Variants in DHRS9 observed in about 807,000 individuals in gnomAD.
DHRS9 encodes the protein dehydrogenase/reductase SDR family member 9.
In DHRS9, 18 loss-of-function variants were observed where a neutral mutation model predicts 26.6. The observed-to-expected ratio is 0.68, with a 90% CI of 0.47 to 1.00. The LOEUF (loss-of-function observed/expected upper bound fraction) is 1.00. Ranked by LOEUF, DHRS9 falls within the 50% of genes least tolerant of loss-of-function variation. The probability of loss-of-function intolerance (pLI) is 0.00; values close to 1 mark genes in which losing one functional copy is unlikely to be tolerated. For synonymous variants in DHRS9, 134 were observed against 141.1 expected (o/e 0.95, Z 0.36); for missense variants, 425 against 378.7 (o/e 1.12, Z -1.01).
intron 3 of DHRS9, among the ~76,000 whole-genome samples, chr2:169,086,299 C>A (rs1417665571): frequency 6.6e-6 from 1 of 152,064 alleles, no homozygotes; most frequent in Non-Finnish European, 1.5e-5. Context: ...ATGTGAATTG[C>A]ATTTTTCAAA....
intron 2 of DHRS9, 99 bp downstream of exon 2, chr2:169,081,993 G>A: frequency 8.1e-7 from 1 of 1,237,926 alleles, no homozygotes; most frequent in Non-Finnish European, 1.1e-6. Flanking sequence ...GGCCTTTCGA[G>A]AAAATGTTTC....
intron 3 of DHRS9, among the ~76,000 whole-genome samples, chr2:169,084,419 G>C (rs1684288423): frequency 6.6e-6 from 1 of 152,066 alleles, no homozygotes; most frequent in African/African-American, 2.4e-5. Context: ...CCTCCAAACT[G>C]TTTTCCATAG....
intron 3 of DHRS9, among the ~76,000 whole-genome samples, chr2:169,088,501 GT>G (rs1413289721): frequency 1.3e-5 from 2 of 152,118 alleles, no homozygotes; most frequent in Non-Finnish European, 2.9e-5. Context: ...TTTTATGAAG[GT>G]TTTTTTGCAT....
At chr2:169,084,196 C>T (rs1301269097) in intron 3 of DHRS9, among the ~76,000 whole-genome samples, 1 of 152,092 alleles carries the variant, frequency 6.6e-6, no homozygotes, top group East Asian at 1.9e-4. Context: ...CTCAATAGTA[C>T]TCCATTGTAT....
Position 169,095,977 on chromosome 2 carries a change from C to T in DHRS9, c.*210C>T, listed in dbSNP as rs1176895467. The T allele has an allele frequency of 1.7e-6, 1 of 588,042 alleles. No homozygotes were observed. The highest frequency in any genetic ancestry group is 3.0e-6 in the Non-Finnish European group (1 of 330,004). The allele number at this position is 588,042 out of a possible 1,614,324, so 36.4% of individuals were successfully genotyped here. A position where few individuals can be genotyped will look rare whatever the true frequency, so the allele number is the denominator to read the frequency against. Reference sequence around the variant, plus strand: ...GAAAAGGAGGGCTGGAATGGTACATCACATAGGCAAGTCCTGCCCTGTATT... The same window carrying T: ...GAAAAGGAGGGCTGGAATGGTACATTACATAGGCAAGTCCTGCCCTGTATT... On this transcript the variant is annotated 3_prime_UTR_variant, in exon 5 of 5. Coordinates refer to ENST00000674881, the MANE Select transcript of DHRS9 (RefSeq NM_001376924.1).
chr2:169,078,815 CTTT>C (rs200691133), intron 1 of DHRS9, among the ~76,000 whole-genome samples: 57 of 110,342 alleles, frequency 5.2e-4, no homozygotes, highest in African/African-American at 2.0e-3. Flanking sequence ...TATCAACTGA[CTTT>C]TTTTTTTTTT....
chr2:169,080,152 A>G (rs536508322), intron 1 of DHRS9, among the ~76,000 whole-genome samples: 16 of 152,202 alleles, frequency 1.1e-4, no homozygotes, highest in Admixed American at 9.8e-4. Flanking sequence ...CAAGTTCTGA[A>G]CTTCAACTCA....
intron 1 of DHRS9, among the ~76,000 whole-genome samples, chr2:169,079,887 G>A (rs1323217213): frequency 1.2e-4 from 12 of 96,156 alleles, no homozygotes; most frequent in East Asian, 1.1e-3. Context: ...GAAAGAAAGA[G>A]AGAGAGAGAG....
intron 4 of DHRS9, among the ~76,000 whole-genome samples, chr2:169,093,157 G>GGGT (rs143836145): frequency 0.015 from 2,310 of 152,202 alleles, 47 homozygotes; most frequent in African/African-American, 0.053. Context: ...ACCTAACTAT[G>GGGT]GGTAGTTCTT....
Position 169,091,907 on chromosome 2 carries a change from G to A in DHRS9, c.690G>A (p.Leu230=), listed in dbSNP as rs770804680. ...IEKKLAIWEQ[L]SPDIKQQYGE... is the part of the protein sequence containing the mutation. ...AAAAACTCGCCATTTGGGAGCAGCT[G>A]TCTCCAGACATCAAACAACAATATG... The change falls in exon 4 of 5, where the codon CTG becomes CTA. Residue 230 remains leucine, a synonymous_variant. Coordinates refer to ENST00000674881, the MANE Select transcript of DHRS9 (RefSeq NM_001376924.1). 1.2e-6 allele frequency: 2 copies of A among 1,614,076 alleles called. No homozygotes were observed. Among genetic ancestry groups the A allele is most frequent in the Admixed American group, 1.7e-5 (1 of 59,976 alleles).
At chr2:169,088,376 G>A (rs1684417675) in intron 3 of DHRS9, among the ~76,000 whole-genome samples, 1 of 152,288 alleles carries the variant, frequency 6.6e-6, no homozygotes, top group Admixed American at 6.5e-5. Context: ...CTATGGAGGA[G>A]GAGTAGCATC....
intron 1 of DHRS9, among the ~76,000 whole-genome samples, chr2:169,076,642 G>C (rs1160720908): frequency 6.6e-6 from 1 of 152,102 alleles, no homozygotes; most frequent in Non-Finnish European, 1.5e-5. Context: ...TCCTCCTTCT[G>C]ACAGTGTGAA....
chr2:169,090,469 T>C (rs1684488244), intron 3 of DHRS9, among the ~76,000 whole-genome samples: 1 of 152,222 alleles, frequency 6.6e-6, no homozygotes, highest in Admixed American at 6.5e-5. Flanking sequence ...GTACAAGTCA[T>C]ATACCTTACA....
intron 3 of DHRS9, among the ~76,000 whole-genome samples, chr2:169,087,972 C>A (rs1684404977): frequency 6.6e-6 from 1 of 152,130 alleles, no homozygotes; most frequent in South Asian, 2.1e-4. Flanking sequence ...AGGGGTAGCA[C>A]AAGCACTCTC....
At chr2:169,072,630 G>A in intron 1 of DHRS9, 2 of 985,456 alleles carry the variant, frequency 2.0e-6, no homozygotes, top group Non-Finnish European at 2.4e-6. Flanking sequence ...GAGCGCTCGA[G>A]TTGCAATATT....
chr2:169,086,561 G>A (rs1449110723), intron 3 of DHRS9, among the ~76,000 whole-genome samples: 1 of 150,122 alleles, frequency 6.7e-6, no homozygotes, highest in Admixed American at 6.6e-5. Context: ...TTTTTTTTAT[G>A]TCTGTGCATT....
At chr2:169,069,029 A>G (rs1190470128), upstream of DHRS9, among the ~76,000 whole-genome samples, 1 of 152,332 alleles carries the variant, frequency 6.6e-6, no homozygotes, top group Middle Eastern at 3.4e-3. Context: ...AGACCACTTT[A>G]GTAAGCTCTC....
chr2:169,081,525 C>A lies in DHRS9; in HGVS notation c.-57C>A. Reference sequence around the variant, plus strand: ...TCTTTTTCACTTTGAACACTCAGGACACCATCTTCTTGTATTATACAAGAA... The same window carrying A: ...TCTTTTTCACTTTGAACACTCAGGAAACCATCTTCTTGTATTATACAAGAA... On this transcript the variant is annotated splice_region_variant and 5_prime_UTR_variant, in exon 2 of 5. Transcript: ENST00000674881. 6.4e-7 allele frequency: 1 copy of A among 1,565,578 alleles called. No individual in the cohort carries two copies. The highest frequency in any genetic ancestry group is 8.6e-7 in the Non-Finnish European group (1 of 1,160,112).
At chr2:169,077,607 G>GA (rs145549475) in intron 1 of DHRS9, among the ~76,000 whole-genome samples, 22,947 of 145,798 alleles carry the variant, frequency 0.16, 1,733 homozygotes, top group African/African-American at 0.17. Context: ...TACAGTTCAG[G>GA]AAAAAAAAAA....
Sources: gnomAD v4.1 joint callset for allele counts (sites outside exome capture counted in the v4.1 genomes callset) on GRCh38, gnomAD v4.1.1 for gene constraint, MANE v1.5 for transcripts, NCBI Gene and HGNC (gene_info 2026-07-23, HGNC 2026-07-21) for gene names.